Variants in SPAG16 observed in about 807,000 individuals in gnomAD.
SPAG16 encodes sperm-associated antigen 16 protein.
In SPAG16, 86 loss-of-function variants were observed where a neutral mutation model predicts 80.4. The ratio of observed to expected loss-of-function variants is 1.07; its 90% CI spans 0.90 to 1.28. The LOEUF (loss-of-function observed/expected upper bound fraction) is 1.28. Among genes scored for constraint, SPAG16 ranks in the 50% most tolerant of loss-of-function variants. The pLI is 0.00. For synonymous variants in SPAG16, 294 were observed against 265.9 expected, an observed-to-expected ratio of 1.11 and a Z score of -1.03; for missense variants, 870 against 765.3, an observed-to-expected ratio of 1.14 and a Z score of -1.61.
At chr2:214,215,661 T>G (rs2058413439) in intron 15 of SPAG16, among the ~76,000 whole-genome samples, 1 of 152,140 alleles carries the variant, frequency 6.6e-6, no homozygotes, top group Admixed American at 6.6e-5. Flanking sequence ...CAACAAGTGT[T>G]CTTTGTAACT....
Position 213,499,812 on chromosome 2 carries a change from T to G in SPAG16, c.1070+9722T>G, listed in dbSNP as rs1403365102. ...GATCCCTTTTTTTCAGCCTGCCTTA[T>G]TCTCTCAGAATTCTAGGTTTCTTAC... On this transcript the variant is annotated intron_variant, in intron 10 of 15. Transcript: ENST00000331683. 2.0e-5 allele frequency among the ~76,000 whole-genome samples: 3 copies of G among 152,152 alleles called. No individual in the cohort carries two copies. In the East Asian group the frequency reaches 5.8e-4, roughly 29 times the overall value.
At chr2:214,007,237 T>C (rs2047069027) in intron 12 of SPAG16, among the ~76,000 whole-genome samples, 1 of 151,866 alleles carries the variant, frequency 6.6e-6, no homozygotes, top group Non-Finnish European at 1.5e-5. Context: ...AATGGAAGAT[T>C]TGGTATATGA....
intron 9 of SPAG16, among the ~76,000 whole-genome samples, chr2:213,379,329 C>G (rs75309792): frequency 0.015 from 2,257 of 152,284 alleles, 29 homozygotes; most frequent in South Asian, 0.038. Context: ...TTTGCCTCAG[C>G]CTAGTAAAGT....
intron 15 of SPAG16, among the ~76,000 whole-genome samples, chr2:214,384,643 G>A (rs770855607): frequency 9.8e-5 from 15 of 152,302 alleles, no homozygotes; most frequent in Non-Finnish European, 1.8e-4. Flanking sequence ...ACCAAGCAAT[G>A]GGTATGTACT....
intron 12 of SPAG16, among the ~76,000 whole-genome samples, chr2:213,971,868 C>G (rs1170259948): frequency 1.3e-5 from 2 of 148,314 alleles, no homozygotes; most frequent in African/African-American, 4.9e-5. Context: ...GTGCTATTTT[C>G]TTGTTTTTTG....
intron 10 of SPAG16, among the ~76,000 whole-genome samples, chr2:213,666,083 G>A (rs2063589640): frequency 6.6e-6 from 1 of 152,126 alleles, no homozygotes; most frequent in Admixed American, 6.5e-5. Context: ...ATATTTTAGT[G>A]AGTGGGCAAT....
chr2:213,817,724 A>G (rs1241269435), intron 10 of SPAG16, among the ~76,000 whole-genome samples: 1 of 152,134 alleles, frequency 6.6e-6, no homozygotes, highest in Non-Finnish European at 1.5e-5. Flanking sequence ...AGGAACAGAA[A>G]ACCAAATACC....
At chr2:214,351,451 C>T (rs1698399375) in intron 15 of SPAG16, among the ~76,000 whole-genome samples, 1 of 151,980 alleles carries the variant, frequency 6.6e-6, no homozygotes, top group African/African-American at 2.4e-5. Context: ...CCTGTAATCC[C>T]AGCACTTTGG....
intron 10 of SPAG16, among the ~76,000 whole-genome samples, chr2:213,666,225 A>G (rs2063596209): frequency 6.6e-6 from 1 of 152,144 alleles, no homozygotes; most frequent in Non-Finnish European, 1.5e-5. Context: ...TTTTTGAACT[A>G]GACTGCTTTA....
At chr2:214,319,345 A>G (rs1695938531) in intron 15 of SPAG16, among the ~76,000 whole-genome samples, 1 of 152,174 alleles carries the variant, frequency 6.6e-6, no homozygotes, top group Admixed American at 6.5e-5. Context: ...GGAGGTATGT[A>G]CAGAGTAGGG....
chr2:214,288,393 AGG>A (rs1693530918), intron 15 of SPAG16, among the ~76,000 whole-genome samples: 1 of 152,218 alleles, frequency 6.6e-6, no homozygotes, highest in East Asian at 1.9e-4. Flanking sequence ...ATGCAAGTGC[AGG>A]TAGGTATCCC....
Position 214,387,987 on chromosome 2 carries a change from G to GA in SPAG16, c.1721-22146dup, listed in dbSNP as rs146697255. 2.6e-3 allele frequency among the ~76,000 whole-genome samples: 400 copies of GA among 151,710 alleles called. 3 individuals are homozygous for GA. The highest frequency in any genetic ancestry group is 9.3e-3 in the African/African-American group (384 of 41,420). On this transcript the variant is annotated intron_variant, in intron 15 of 15. Coordinates refer to ENST00000331683, the MANE Select transcript of SPAG16 (RefSeq NM_024532.5). ...AGTTTTACATTTCTCTCCAAGTGATGAAAAAAATACCTACTATTGCTATAT... is the reference window on the plus strand; with the variant it reads ...AGTTTTACATTTCTCTCCAAGTGATGAAAAAAAATACCTACTATTGCTATAT...
intron 15 of SPAG16, among the ~76,000 whole-genome samples, chr2:214,358,002 G>A (rs944221305): frequency 4.0e-5 from 6 of 151,898 alleles, no homozygotes; most frequent in African/African-American, 1.5e-4. Context: ...ACAAAATCCT[G>A]TTTCTTGTCT....
chr2:213,632,055 C>G (rs957034033), intron 10 of SPAG16, among the ~76,000 whole-genome samples: 8 of 152,056 alleles, frequency 5.3e-5, no homozygotes, highest in African/African-American at 1.7e-4. Flanking sequence ...TGCATTGAAT[C>G]TGTAGATTGT....
chr2:214,133,139 A>AC (rs372340808), intron 14 of SPAG16, among the ~76,000 whole-genome samples: 4,922 of 149,604 alleles, frequency 0.033, 269 homozygotes, highest in African/African-American at 0.11. Context: ...TAAAAAAAAA[A>AC]CCTACCATTA....
chr2:213,578,479 T>A (rs999960723), intron 10 of SPAG16, among the ~76,000 whole-genome samples: 3 of 152,148 alleles, frequency 2.0e-5, no homozygotes, highest in Non-Finnish European at 2.9e-5. Context: ...TTCCACATTA[T>A]TGTAAAAGTT....
intron 9 of SPAG16, among the ~76,000 whole-genome samples, chr2:213,387,324 G>GA (rs2125271972): frequency 7.1e-6 from 1 of 141,396 alleles, no homozygotes; most frequent in Admixed American, 7.3e-5. Flanking sequence ...AGTATTTTAA[G>GA]AAAATAGAAA....
intron 10 of SPAG16, among the ~76,000 whole-genome samples, chr2:213,839,938 A>G (rs1223595242): frequency 6.6e-6 from 1 of 152,216 alleles, no homozygotes; most frequent in Non-Finnish European, 1.5e-5. Context: ...AAAAGAAGAA[A>G]CATTAAAAAG....
intron 10 of SPAG16, among the ~76,000 whole-genome samples, chr2:213,780,979 C>G (rs1351735403): frequency 6.6e-6 from 1 of 152,164 alleles, no homozygotes; most frequent in African/African-American, 2.4e-5. Flanking sequence ...TAGACATTTG[C>G]TTTACCTGAA....
Sources: gnomAD v4.1 joint callset for allele counts (sites outside exome capture counted in the v4.1 genomes callset) on GRCh38, gnomAD v4.1.1 for gene constraint, MANE v1.5 for transcripts, NCBI Gene and HGNC (gene_info 2026-07-23, HGNC 2026-07-21) for gene names.